The following METTL14 variants were observed in gnomAD, a reference collection of about 807,000 sequenced individuals.
METTL14 encodes N(6)-adenosine-methyltransferase non-catalytic subunit METTL14.
In METTL14, 32 loss-of-function variants were observed where a neutral mutation model predicts 62.4. The observed-to-expected ratio is 0.51, with a 90% CI of 0.39 to 0.69. The LOEUF (loss-of-function observed/expected upper bound fraction) is 0.69. Ranked by LOEUF, METTL14 falls within the 30% of genes least tolerant of loss-of-function variation. METTL14 has a pLI of 0.00. For synonymous variants in METTL14, 150 were observed against 180.0 expected, an observed-to-expected ratio of 0.83 and a Z score of 1.34; for missense variants, 340 against 551.9, an observed-to-expected ratio of 0.62 and a Z score of 3.85.
chr4:118,693,351 T>C (rs1724311844), intron 5 of METTL14, among the ~76,000 whole-genome samples: 1 of 152,170 alleles, frequency 6.6e-6, no homozygotes, highest in Non-Finnish European at 1.5e-5. Flanking sequence ...TACTATTGAA[T>C]AACAAGAGTC....
intron 9 of METTL14, among the ~76,000 whole-genome samples, chr4:118,704,866 G>A (rs1724707637): frequency 6.6e-6 from 1 of 152,164 alleles, no homozygotes; most frequent in Admixed American, 6.5e-5. Flanking sequence ...TTTATAGCTG[G>A]TTGGTCAGAA....
At chr4:118,692,094 C>G (rs769591085) in intron 5 of METTL14, 26 bp downstream of exon 5, 1 of 1,293,372 alleles carries the variant, frequency 7.7e-7, no homozygotes, top group Non-Finnish European at 1.1e-6. Context: ...TTGGACTACG[C>G]TATTGCTGAC....
Position 118,689,427 on chromosome 4 carries a change from G to T in METTL14, c.213G>T (p.Glu71Asp), listed in dbSNP as rs376007435. 1 of 1,601,834 alleles carries T rather than the reference G, an allele frequency of 6.2e-7. No individual in the cohort carries two copies. The highest frequency in any genetic ancestry group is 8.5e-7 in the Non-Finnish European group (1 of 1,172,432). ...NAKRKYLDEG[E>D]TDEDKMEEYK... is the part of the protein sequence containing the mutation. The stretch of plus-strand genomic sequence containing the variant: ...AACGTAAGTATCTGGATGAAGGAGA[G>T]ACAGATGAAGACAAAATGGAAGAAT... Residue 71 changes from glutamate to aspartate, a missense_variant, in exon 3 of 11, where the codon GAG becomes GAT. Physicochemically the swap from Glu to Asp is conservative, Grantham distance 45 (BLOSUM62 2). Coordinates refer to ENST00000388822, the MANE Select transcript of METTL14 (RefSeq NM_020961.4).
At chr4:118,687,702 T>C (rs904843752) in intron 1 of METTL14, among the ~76,000 whole-genome samples, 1 of 152,228 alleles carries the variant, frequency 6.6e-6, no homozygotes, top group Non-Finnish European at 1.5e-5. Flanking sequence ...CATAAAATGT[T>C]TTGCCAGCTG....
At chr4:118,694,126 G>GT (rs373278873) in intron 5 of METTL14, among the ~76,000 whole-genome samples, 5,823 of 116,292 alleles carry the variant, frequency 0.05, 343 homozygotes, top group African/African-American at 0.15. Context: ...AAAGGTAGTT[G>GT]TTTTTTTTTT....
At chr4:118,708,521 A>AG (rs1249007470) in intron 10 of METTL14, among the ~76,000 whole-genome samples, 1 of 152,232 alleles carries the variant, frequency 6.6e-6, no homozygotes, top group African/African-American at 2.4e-5. Context: ...AATACATAAA[A>AG]GACACAGTAT....
At chr4:118,704,319 T>C (rs772465110) in intron 9 of METTL14, among the ~76,000 whole-genome samples, 48 of 152,300 alleles carry the variant, frequency 3.2e-4, no homozygotes, top group Non-Finnish European at 5.0e-4. Context: ...AGGCTTTTGA[T>C]CACACTCACC....
chr4:118,713,826 TACC>T lies in METTL14; in HGVS notation c.*3527_*3529del, dbSNP rs1724988250. The T allele has an allele frequency of 6.6e-6, 1 of 152,232 alleles. No homozygotes were observed. Among genetic ancestry groups the T allele is most frequent in the South Asian group, 2.1e-4 (1 of 4,836 alleles). 9.4% of individuals were successfully genotyped at this position (152,232 alleles called of 1,614,324 possible). ...CCATTGAAGACTTCATTTCTGGAAA[TACC>T]ACATTGCTTCTGCTCTCAATAACTC... On this transcript the variant is annotated 3_prime_UTR_variant, in exon 11 of 11. Transcript: ENST00000388822.
intron 8 of METTL14, among the ~76,000 whole-genome samples, chr4:118,702,159 G>A (rs1486845717): frequency 8.9e-5 from 12 of 134,124 alleles, no homozygotes; most frequent in Non-Finnish European, 1.4e-4. Flanking sequence ...TTGCTCTGTC[G>A]CCCACGCTGG....
At chr4:118,686,715 G>A (rs1278980334) in intron 1 of METTL14, 4 of 450,090 alleles carry the variant, frequency 8.9e-6, no homozygotes, top group Non-Finnish European at 1.8e-5. Context: ...GTAGCTCTTT[G>A]TTGCTACCAC....
intron 4 of METTL14, 138 bp from the exon 5 acceptor site, chr4:118,691,843 T>A (rs1465999668): frequency 6.3e-6 from 4 of 639,654 alleles, no homozygotes; most frequent in Non-Finnish European, 1.0e-5. Flanking sequence ...TAATTTTAGT[T>A]GTATTTTCAA....
chr4:118,708,231 CT>C (rs958880289), intron 10 of METTL14, among the ~76,000 whole-genome samples: 24 of 152,294 alleles, frequency 1.6e-4, no homozygotes, highest in African/African-American at 4.8e-4. Flanking sequence ...CCTTGGACTT[CT>C]ATAGCCAGTT....
Position 118,685,420 on chromosome 4 carries a change from T to A in METTL14, c.-115T>A. On this transcript the variant is annotated 5_prime_UTR_variant, in exon 1 of 11. Coordinates refer to ENST00000388822, the MANE Select transcript of METTL14 (RefSeq NM_020961.4). ...TCTCTACTGAGGAAAGCTATGAGGA[T>A]ACTCTGTTCGTAAGCTCCCGGTGAA... 9.6e-7 allele frequency: 1 copy of A among 1,046,566 alleles called. No individual in the cohort carries two copies. Among genetic ancestry groups the A allele is most frequent in the Non-Finnish European group, 1.5e-6 (1 of 674,350 alleles). The allele number at this position is 1,046,566 out of a possible 1,614,324, so 64.8% of individuals were successfully genotyped here.
intron 8 of METTL14, among the ~76,000 whole-genome samples, chr4:118,701,172 AGTTTTTTTTT>A (rs72524034): frequency 0.051 from 6,939 of 137,328 alleles, 238 homozygotes; most frequent in Non-Finnish European, 0.067. Flanking sequence ...TTTTTATTGG[AGTTTTTTTTT>A]GTTTTTTTTT....
At chr4:118,699,152 G>A (rs1724514084) in intron 7 of METTL14, among the ~76,000 whole-genome samples, 1 of 152,142 alleles carries the variant, frequency 6.6e-6, no homozygotes, top group Non-Finnish European at 1.5e-5. Flanking sequence ...GTGTTTCTTA[G>A]GAAACGGATT....
At chr4:118,697,632 A>G (rs1008249794) in intron 7 of METTL14, among the ~76,000 whole-genome samples, 1 of 152,172 alleles carries the variant, frequency 6.6e-6, no homozygotes, top group African/African-American at 2.4e-5. Flanking sequence ...GGAATGATTC[A>G]TAATTCATTC....
At chr4:118,692,185 G>A (rs188821266) in intron 5 of METTL14, 117 bp downstream of exon 5, 49 of 607,780 alleles carry the variant, frequency 8.1e-5, no homozygotes, top group Admixed American at 4.2e-4. Context: ...TCTTTTTTTC[G>A]TTCTCAGTGC....
intron 5 of METTL14, among the ~76,000 whole-genome samples, chr4:118,694,016 A>C (rs1404240445): frequency 6.6e-6 from 1 of 151,302 alleles, no homozygotes; most frequent in Non-Finnish European, 1.5e-5. Flanking sequence ...TTGAATAACT[A>C]TCCAAGAAAT....
In METTL14 at chr4:118,700,768, T is replaced by C. The variant is rs906929137; in HGVS notation, c.738+126T>C. The C allele has an allele frequency of 2.4e-5, 15 of 614,754 alleles. No homozygotes were observed. In the African/African-American group the frequency reaches 2.8e-4, roughly 11 times the overall value. 38.1% of individuals were successfully genotyped at this position (614,754 alleles called of 1,614,324 possible). Reference sequence around the variant, plus strand: ...TGTTTCTTAAATAATTCTAAAATAGTGAGAAAAAAAAAATGTCCAGAAAAG... The same window carrying C: ...TGTTTCTTAAATAATTCTAAAATAGCGAGAAAAAAAAAATGTCCAGAAAAG... On this transcript the variant is annotated intron_variant, in intron 8 of 10. Coordinates refer to ENST00000388822, the MANE Select transcript of METTL14 (RefSeq NM_020961.4).
Sources: gnomAD v4.1 joint callset for allele counts (sites outside exome capture counted in the v4.1 genomes callset) on GRCh38, gnomAD v4.1.1 for gene constraint, MANE v1.5 for transcripts, NCBI Gene and HGNC (gene_info 2026-07-23, HGNC 2026-07-21) for gene names.